The following LUC7L3 variants were observed in gnomAD, a reference collection of about 807,000 sequenced individuals.
The protein encoded by LUC7L3 is luc7-like protein 3.
A neutral mutation model predicts 66.8 loss-of-function variants in LUC7L3; 6 were observed. The ratio of observed to expected loss-of-function variants is 0.09; its 90% confidence interval spans 0.05 to 0.18. The LOEUF is 0.18. Among genes scored for constraint, LUC7L3 ranks in the 10% least tolerant of loss-of-function variants. The pLI, the probability that LUC7L3 is intolerant of heterozygous loss-of-function variation, is 1.00. For missense variants in LUC7L3, 341 were observed against 531.1 expected (o/e 0.64, Z 3.52); for synonymous variants, 160 against 174.7 (o/e 0.92, Z 0.66).
chr17:50,741,704 A>C lies in LUC7L3; in HGVS notation c.399A>C (p.Thr133=). The C allele has an allele frequency of 6.2e-7, 1 of 1,614,016 alleles. No individual in the cohort carries two copies. The highest frequency in any genetic ancestry group is 2.2e-5 in the East Asian group (1 of 44,892). Residue 133 remains threonine (T), a synonymous_variant, in exon 5 of 10, where the codon ACA becomes ACC. Transcript: ENST00000505658. The part of the protein sequence containing the change: ...GKNEEKIQVL[T]DKIDVLLQQI... ...ATGAAGAAAAAATTCAGGTTCTAAC[A>C]GACAAAATTGATGTACTTCTGCAAC...
intron 1 of LUC7L3, among the ~76,000 whole-genome samples, chr17:50,721,483 C>T (rs892085165): frequency 6.6e-6 from 1 of 152,126 alleles, no homozygotes; most frequent in Non-Finnish European, 1.5e-5. Flanking sequence ...TAGTACTTTT[C>T]ACTAATTTTA....
Position 50,744,651 on chromosome 17 carries a change from G to T in LUC7L3, c.532-1G>T. ...TTAAAATAACTGATTTATCATTTTA[G>T]ACAATTGAAAGCTTTGCTGCACAAG... On this transcript the variant is annotated splice_acceptor_variant, in intron 6 of 9. Transcript: ENST00000505658. LOFTEE classifies it high-confidence loss of function. 1 of 1,607,792 alleles carries T rather than the reference G, an allele frequency of 6.2e-7. No individual in the cohort carries two copies. The highest frequency in any genetic ancestry group is 1.1e-5 in the South Asian group (1 of 89,448).
chr17:50,747,964 CTT>C (rs1970780203), intron 9 of LUC7L3, among the ~76,000 whole-genome samples: 1 of 152,162 alleles, frequency 6.6e-6, no homozygotes, highest in Non-Finnish European at 1.5e-5. Flanking sequence ...TTTTGCAAGA[CTT>C]TCTGTGTAAT....
At chr17:50,730,236 T>A (rs910918470) in intron 1 of LUC7L3, among the ~76,000 whole-genome samples, 11 of 151,930 alleles carry the variant, frequency 7.2e-5, no homozygotes, top group Non-Finnish European at 1.3e-4. Context: ...CCTCCCAAAG[T>A]GCTGAGATTA....
intron 1 of LUC7L3, among the ~76,000 whole-genome samples, chr17:50,734,151 G>A (rs1199336965): frequency 1.4e-5 from 2 of 147,530 alleles, no homozygotes; most frequent in Non-Finnish European, 3.0e-5. Context: ...AAGTTACAAA[G>A]AATAATCTTT....
Position 50,744,833 on chromosome 17 carries a change from T to C in LUC7L3, c.693+20T>C, listed in dbSNP as rs1970565304. The C allele has an allele frequency of 6.2e-7, 1 of 1,601,868 alleles. No individual in the cohort carries two copies. Among genetic ancestry groups the C allele is most frequent in the South Asian group, 1.1e-5 (1 of 89,618 alleles). On this transcript the variant is annotated intron_variant, in intron 7 of 9. Coordinates refer to ENST00000505658, the MANE Select transcript of LUC7L3 (RefSeq NM_016424.5). ...TTAAAAGTAAGTTTTTTTGTTTGTT[T>C]TGAGGCAGATTCTTGCTCTGTCACC...
Position 50,750,995 on chromosome 17 carries a change from T to A in LUC7L3, c.*334T>A. 1 of 1,380,566 alleles carries A rather than the reference T, an allele frequency of 7.2e-7. No homozygotes were observed. Among genetic ancestry groups the A allele is most frequent in the South Asian group, 1.5e-5 (1 of 66,114 alleles). The allele number at this position is 1,380,566 out of a possible 1,614,324, so 85.5% of individuals were successfully genotyped here. A position where few individuals can be genotyped will look rare whatever the true frequency, so the allele number is the denominator to read the frequency against. ...TTTTAGGGATTTTGATGTCATTTCT[T>A]TTTTTTTTTTAATAAAAAGGTTGAA... On this transcript the variant is annotated 3_prime_UTR_variant, in exon 10 of 10. Coordinates refer to ENST00000505658, the MANE Select transcript of LUC7L3 (RefSeq NM_016424.5).
At chr17:50,720,295 G>A (rs1461025089) in intron 1 of LUC7L3, among the ~76,000 whole-genome samples, 1 of 152,240 alleles carries the variant, frequency 6.6e-6, no homozygotes, top group Non-Finnish European at 1.5e-5. Flanking sequence ...CGGGGAAATA[G>A]AAATGTAAAA....
At chr17:50,725,706 T>C (rs1235719057) in intron 1 of LUC7L3, among the ~76,000 whole-genome samples, 1 of 152,156 alleles carries the variant, frequency 6.6e-6, no homozygotes, top group Non-Finnish European at 1.5e-5. Context: ...TGCAACAATT[T>C]GAAAAAACTT....
Position 50,719,606 on chromosome 17 carries a change from T to C in LUC7L3, c.-127T>C, listed in dbSNP as rs1215400448. 2 of 713,242 alleles carry C rather than the reference T, an allele frequency of 2.8e-6. No homozygotes were observed. The highest frequency in any genetic ancestry group is 3.7e-5 in the African/African-American group (2 of 53,894). 44.2% of individuals were successfully genotyped at this position (713,242 alleles called of 1,614,324 possible). On this transcript the variant is annotated 5_prime_UTR_variant, in exon 1 of 10. Transcript: ENST00000505658. Reference sequence around the variant, plus strand: ...GCGTCCGCGCGGCGGCCATTTTGTCTTGTCGGCTCCTGTGTGTAGGAGGGA... The same window carrying C: ...GCGTCCGCGCGGCGGCCATTTTGTCCTGTCGGCTCCTGTGTGTAGGAGGGA...
Position 50,750,554 on chromosome 17 carries a change from A to C in LUC7L3, c.1192A>C (p.Lys398Gln). 1 of 1,614,122 alleles carries C rather than the reference A, an allele frequency of 6.2e-7. No individual in the cohort carries two copies. Among genetic ancestry groups the C allele is most frequent in the Non-Finnish European group, 8.5e-7 (1 of 1,179,994 alleles). The change falls in exon 10 of 10, where the codon AAG (lysine) becomes CAG (glutamine). Residue 398 changes from lysine (K) to glutamine (Q), a missense_variant. By Grantham distance (53) the Lys-to-Gln change is moderately conservative. Coordinates refer to ENST00000505658, the MANE Select transcript of LUC7L3 (RefSeq NM_016424.5). Reference sequence around the variant, plus strand: ...TAGTGTGAAGTCCGGTAGTCGAGAAAAGCAGAGTGAAGACACAAACACTGA... The same window carrying C: ...TAGTGTGAAGTCCGGTAGTCGAGAACAGCAGAGTGAAGACACAAACACTGA... ...KSSVKSGSREKQSEDTNTESK... is the reference protein window; with the variant it reads ...KSSVKSGSREQQSEDTNTESK...
At chr17:50,738,101 G>C (rs1348410067) in intron 2 of LUC7L3, 1 of 453,098 alleles carries the variant, frequency 2.2e-6, no homozygotes, top group African/African-American at 2.0e-5. Flanking sequence ...CCTCTGCCCT[G>C]TTCCTAGAAG....
At chr17:50,733,876 C>T (rs527657426) in intron 1 of LUC7L3, among the ~76,000 whole-genome samples, 176 of 152,220 alleles carry the variant, frequency 1.2e-3, no homozygotes, top group Non-Finnish European at 2.2e-3. Flanking sequence ...AAGGTTAGGT[C>T]ACAGTAAAAG....
chr17:50,734,963 G>A lies in LUC7L3; in HGVS notation c.100-1997G>A, dbSNP rs149570333. Among the ~76,000 whole-genome samples, 1,342 of 152,210 alleles carry A rather than the reference G, an allele frequency of 8.8e-3. 7 individuals carry two copies. The highest frequency in any genetic ancestry group is 0.014 in the Non-Finnish European group (939 of 68,000). ...TAGTAAAACTTTCACGTCTGAGCGCGGTGAGGCCTGTAATCCTAGCACTTT... is the reference window on the plus strand; with the variant it reads ...TAGTAAAACTTTCACGTCTGAGCGCAGTGAGGCCTGTAATCCTAGCACTTT... On this transcript the variant is annotated intron_variant, in intron 1 of 9. Coordinates refer to ENST00000505658, the MANE Select transcript of LUC7L3 (RefSeq NM_016424.5).
At position 50,746,585 on chromosome 17, in the gene LUC7L3, A is replaced by G; in HGVS notation, c.1021A>G (p.Arg341Gly). 6.2e-7 allele frequency: 1 copy of G among 1,614,212 alleles called. No homozygotes were observed. The highest frequency in any genetic ancestry group is 8.5e-7 in the Non-Finnish European group (1 of 1,180,030). ...RRSRSHDRSE[R>G]KHRSRSRDRR... ...AAGCAGAAGCCATGATCGATCAGAA[A>G]GAAAACACAGATCTCGAAGTCGGGA... The change falls in exon 9 of 10, where the codon AGA becomes GGA. Residue 341 changes from arginine to glycine, a missense_variant. Coordinates refer to ENST00000505658, the MANE Select transcript of LUC7L3 (RefSeq NM_016424.5).
intron 7 of LUC7L3, among the ~76,000 whole-genome samples, chr17:50,745,121 C>T (rs1447291267): frequency 1.3e-5 from 2 of 152,128 alleles, no homozygotes; most frequent in South Asian, 4.1e-4. Flanking sequence ...TCCTGAGTAG[C>T]TGGGATTACA....
intron 1 of LUC7L3, among the ~76,000 whole-genome samples, chr17:50,734,233 TCTC>T (rs1969833690): frequency 6.6e-6 from 1 of 151,828 alleles, no homozygotes; most frequent in Admixed American, 6.6e-5. Context: ...AATGGCCTAA[TCTC>T]AGCTCACCGC....
At chr17:50,727,475 T>G (rs905416855) in intron 1 of LUC7L3, among the ~76,000 whole-genome samples, 1 of 152,146 alleles carries the variant, frequency 6.6e-6, no homozygotes, top group Admixed American at 6.6e-5. Context: ...ACAAGAATGT[T>G]TTTTTTGGGA....
In LUC7L3 at chr17:50,752,704, ACT is replaced by A. The variant is rs944368349; in HGVS notation, c.*2046_*2047del. On this transcript the variant is annotated 3_prime_UTR_variant, in exon 10 of 10. Transcript: ENST00000505658. ...TAATCTTTTTCTAATAAAGTTATTGACTCTGAACTAGTCCCCTGTTTTAAATA... is the reference window on the plus strand; with the variant it reads ...TAATCTTTTTCTAATAAAGTTATTGACTGAACTAGTCCCCTGTTTTAAATA... The A allele has an allele frequency of 1.3e-5, 2 of 152,456 alleles. No homozygotes were observed. The highest frequency in any genetic ancestry group is 2.9e-5 in the Non-Finnish European group (2 of 68,290). The allele number at this position is 152,456 out of a possible 1,614,324, so 9.4% of individuals were successfully genotyped here.
Sources: allele counts gnomAD v4.1 joint callset (sites outside exome capture counted in the v4.1 genomes callset), GRCh38; gene constraint gnomAD v4.1.1; transcripts MANE v1.5; gene names NCBI Gene and HGNC (gene_info 2026-07-23, HGNC 2026-07-21).